The following PRDM5 variants were observed in gnomAD, a reference collection of about 807,000 sequenced individuals.
The protein encoded by PRDM5 is PR domain zinc finger protein 5.
A neutral mutation model predicts 81.2 loss-of-function variants in PRDM5; 56 were observed. The observed-to-expected ratio is 0.69, with a 90% CI of 0.56 to 0.86. The LOEUF (loss-of-function observed/expected upper bound fraction) is 0.86. Among genes scored for constraint, PRDM5 ranks in the 40% least tolerant of loss-of-function variants. PRDM5 has a pLI of 0.00. For synonymous variants in PRDM5, 267 were observed against 256.4 expected, an observed-to-expected ratio of 1.04 and a Z score of -0.39; for missense variants, 697 against 770.1, an observed-to-expected ratio of 0.91 and a Z score of 1.12.
intron 3 of PRDM5, among the ~76,000 whole-genome samples, chr4:120,840,425 A>G (rs1423145236): frequency 1.3e-5 from 2 of 151,986 alleles, no homozygotes; most frequent in African/African-American, 4.8e-5. Flanking sequence ...CCCCATGGAC[A>G]TGGCCCTGGG....
chr4:120,835,839 A>C (rs1395963756), intron 3 of PRDM5, among the ~76,000 whole-genome samples: 1 of 152,218 alleles, frequency 6.6e-6, no homozygotes, highest in Non-Finnish European at 1.5e-5. Context: ...AAAGTGACTC[A>C]GAGGATAGGT....
intron 2 of PRDM5, among the ~76,000 whole-genome samples, chr4:120,869,087 A>T (rs934374639): frequency 2.6e-5 from 4 of 152,204 alleles, no homozygotes; most frequent in Non-Finnish European, 5.9e-5. Flanking sequence ...CTATGGCCTG[A>T]CAGATTTTTT....
chr4:120,765,963 C>CT (rs375991850), intron 13 of PRDM5, among the ~76,000 whole-genome samples: 9,377 of 138,094 alleles, frequency 0.068, 742 homozygotes, highest in East Asian at 0.42. Flanking sequence ...TTTTTTCTTT[C>CT]TTTTTTTTTT....
chr4:120,728,495 C>T (rs1739775445), intron 14 of PRDM5, among the ~76,000 whole-genome samples: 1 of 151,898 alleles, frequency 6.6e-6, no homozygotes, highest in South Asian at 2.1e-4. Context: ...ATTATTATTT[C>T]AGAGAACATT....
chr4:120,840,301 C>G (rs777748319), intron 3 of PRDM5, among the ~76,000 whole-genome samples: 95 of 152,270 alleles, frequency 6.2e-4, no homozygotes, highest in Non-Finnish European at 1.2e-3. Context: ...TGGGGCTCCC[C>G]GTCATTTGGC....
intron 14 of PRDM5, among the ~76,000 whole-genome samples, chr4:120,726,176 GA>G (rs1739379246): frequency 6.6e-6 from 1 of 152,128 alleles, no homozygotes; most frequent in South Asian, 2.1e-4. Flanking sequence ...CCCTCAAGAG[GA>G]TGATATTTTG....
chr4:120,755,777 C>T (rs190065965), intron 13 of PRDM5, among the ~76,000 whole-genome samples: 1 of 152,270 alleles, frequency 6.6e-6, no homozygotes, highest in Non-Finnish European at 1.5e-5. Context: ...TGCACAATGG[C>T]CTTGCACTGT....
At chr4:120,749,539 T>A (rs1272452267) in intron 14 of PRDM5, among the ~76,000 whole-genome samples, 4 of 152,124 alleles carry the variant, frequency 2.6e-5, no homozygotes, top group Non-Finnish European at 5.9e-5. Flanking sequence ...TACAAGGTGA[T>A]GAGCAGTGGC....
At chr4:120,811,328 A>G in intron 8 of PRDM5, 42 bp downstream of exon 8, 1 of 1,259,766 alleles carries the variant, frequency 7.9e-7, no homozygotes, top group Non-Finnish European at 1.1e-6. Flanking sequence ...TAAAATTATT[A>G]AAGATAGATA....
chr4:120,845,865 A>T (rs1463468039), intron 3 of PRDM5, among the ~76,000 whole-genome samples: 1 of 152,232 alleles, frequency 6.6e-6, no homozygotes, highest in Non-Finnish European at 1.5e-5. Flanking sequence ...GATGAGAGCA[A>T]AATATCAACA....
At chr4:120,708,694 C>T (rs1004395581) in intron 15 of PRDM5, among the ~76,000 whole-genome samples, 2 of 152,072 alleles carry the variant, frequency 1.3e-5, no homozygotes, top group East Asian at 1.9e-4. Flanking sequence ...GGGTAGAGAA[C>T]ACACACACTG....
intron 2 of PRDM5, among the ~76,000 whole-genome samples, chr4:120,881,274 T>C (rs1007506698): frequency 6.6e-5 from 10 of 152,196 alleles, no homozygotes; most frequent in Non-Finnish European, 1.3e-4. Context: ...AGCAGTATGA[T>C]AAATCCTTGT....
At chr4:120,703,575 G>C (rs550307885) in intron 15 of PRDM5, among the ~76,000 whole-genome samples, 6 of 152,112 alleles carry the variant, frequency 3.9e-5, no homozygotes, top group Non-Finnish European at 8.8e-5. Context: ...TCATCCCAGT[G>C]TCCAGCACAG....
chr4:120,801,774 C>T lies in PRDM5; in HGVS notation c.946-2029G>A, dbSNP rs531849091. Among the ~76,000 whole-genome samples, 17 of 152,250 alleles carry T rather than the reference C, an allele frequency of 1.1e-4. No individual in the cohort carries two copies. In the East Asian group the frequency reaches 2.5e-3, roughly 22 times the overall value. On this transcript the variant is annotated intron_variant, in intron 8 of 15. Coordinates refer to ENST00000264808, the MANE Select transcript of PRDM5 (RefSeq NM_018699.4). ...CTTCAATCATCAAAGACTTCCACAG[C>T]GGCTTCAGTTAAACACCTATGTTTG... is the stretch of plus-strand genomic sequence containing the variant.
chr4:120,832,694 A>T (rs539021011), intron 3 of PRDM5, among the ~76,000 whole-genome samples: 1 of 152,226 alleles, frequency 6.6e-6, no homozygotes, highest in African/African-American at 2.4e-5. Flanking sequence ...ATGAGAAAAA[A>T]ATTGTCATTT....
At chr4:120,730,357 C>T (rs546668734) in intron 14 of PRDM5, among the ~76,000 whole-genome samples, 2 of 152,076 alleles carry the variant, frequency 1.3e-5, no homozygotes, top group East Asian at 3.9e-4. Flanking sequence ...TATAATGTTA[C>T]CCAAAATTGA....
intron 3 of PRDM5, chr4:120,838,763 T>G (rs948110394): frequency 6.3e-6 from 1 of 159,910 alleles, no homozygotes; most frequent in Non-Finnish European, 1.4e-5. Context: ...TGGCCAGTCG[T>G]GCCTTTGCCC....
At chr4:120,777,350 T>C in intron 12 of PRDM5, 69 bp from the exon 13 acceptor site, 1 of 1,605,498 alleles carries the variant, frequency 6.2e-7, no homozygotes, top group Non-Finnish European at 8.5e-7. Flanking sequence ...TAAATGCCTC[T>C]GACAATAGTA....
At chr4:120,820,921 G>C (rs2149346662) in intron 4 of PRDM5, among the ~76,000 whole-genome samples, 1 of 152,330 alleles carries the variant, frequency 6.6e-6, no homozygotes, top group Middle Eastern at 3.4e-3. Context: ...GCCGGGAGCT[G>C]CCCTAGCAAT....
Sources: allele counts gnomAD v4.1 joint callset (sites outside exome capture counted in the v4.1 genomes callset), GRCh38; gene constraint gnomAD v4.1.1; transcripts MANE v1.5; gene names NCBI Gene and HGNC (gene_info 2026-07-23, HGNC 2026-07-21).